The following SPAG16 variants were observed in gnomAD, a reference collection of about 807,000 sequenced individuals.
SPAG16 encodes sperm-associated antigen 16 protein.
SPAG16 carries 86 observed loss-of-function variants against 80.4 expected under a neutral mutation model. The observed-to-expected ratio is 1.07, with a 90% CI of 0.90 to 1.28. SPAG16 has a LOEUF of 1.28. Ranked by LOEUF, SPAG16 falls within the 50% of genes most tolerant of loss-of-function variation. SPAG16 has a pLI of 0.00. For synonymous variants in SPAG16, 294 were observed against 265.9 expected, an observed-to-expected ratio of 1.11 and a Z score of -1.03; for missense variants, 870 against 765.3, an observed-to-expected ratio of 1.14 and a Z score of -1.61.
chr2:214,369,483 C>A (rs577517596), intron 15 of SPAG16, among the ~76,000 whole-genome samples: 44 of 152,042 alleles, frequency 2.9e-4, no homozygotes, highest in Non-Finnish European at 6.0e-4. Context: ...ATTCTCCTTG[C>A]TTCTACCTCC....
chr2:213,338,580 C>T (rs922767330), intron 5 of SPAG16, among the ~76,000 whole-genome samples: 1 of 152,156 alleles, frequency 6.6e-6, no homozygotes, highest in African/African-American at 2.4e-5. Context: ...CATTGCAGCA[C>T]TATTTACGAT....
At chr2:214,089,923 C>G (rs1449580500) in intron 13 of SPAG16, among the ~76,000 whole-genome samples, 1 of 151,922 alleles carries the variant, frequency 6.6e-6, no homozygotes, top group Non-Finnish European at 1.5e-5. Context: ...TACTTCTATC[C>G]AATGTCAAGT....
chr2:214,319,823 T>G (rs929885969), intron 15 of SPAG16, among the ~76,000 whole-genome samples: 3 of 152,222 alleles, frequency 2.0e-5, no homozygotes, highest in Admixed American at 6.5e-5. Context: ...TTAGTTGCTG[T>G]CAATATGTCT....
At chr2:214,155,635 A>C (rs917113137) in intron 15 of SPAG16, among the ~76,000 whole-genome samples, 5 of 152,080 alleles carry the variant, frequency 3.3e-5, no homozygotes, top group Admixed American at 2.6e-4. Flanking sequence ...ACCATGCCTG[A>C]GGGTAGCCTA....
intron 15 of SPAG16, among the ~76,000 whole-genome samples, chr2:214,374,340 A>G (rs1699998275): frequency 6.6e-6 from 1 of 152,232 alleles, no homozygotes; most frequent in East Asian, 1.9e-4. Flanking sequence ...TCTATTTGCC[A>G]GAGGTTAAAA....
At chr2:214,108,895 T>C (rs1172883256) in intron 14 of SPAG16, among the ~76,000 whole-genome samples, 1 of 152,156 alleles carries the variant, frequency 6.6e-6, no homozygotes, top group Non-Finnish European at 1.5e-5. Flanking sequence ...TCCTTTGAGT[T>C]TTCTGTGGTT....
chr2:214,106,158 A>G (rs11889980), intron 13 of SPAG16, among the ~76,000 whole-genome samples: 25,009 of 152,134 alleles, frequency 0.16, 2,075 homozygotes, highest in African/African-American at 0.18. Flanking sequence ...ACAATTTGCT[A>G]ATTTATATCT....
intron 11 of SPAG16, among the ~76,000 whole-genome samples, chr2:213,886,946 A>T (rs901377899): frequency 6.6e-6 from 1 of 152,140 alleles, no homozygotes; most frequent in Admixed American, 6.6e-5. Context: ...AAGTTTAACA[A>T]TTCTGATTTT....
intron 10 of SPAG16, among the ~76,000 whole-genome samples, chr2:213,700,655 A>G (rs773337524): frequency 6.6e-6 from 1 of 152,180 alleles, no homozygotes; most frequent in Non-Finnish European, 1.5e-5. Context: ...ATTCTTTTAC[A>G]TTTTTAATGT....
intron 9 of SPAG16, among the ~76,000 whole-genome samples, chr2:213,448,219 T>G (rs537054896): frequency 6.6e-6 from 1 of 152,398 alleles, no homozygotes; most frequent in Non-Finnish European, 1.5e-5. Context: ...GCAATTGGAA[T>G]ACTTCTGATT....
chr2:213,645,451 T>A (rs781604252), intron 10 of SPAG16, among the ~76,000 whole-genome samples: 44 of 152,046 alleles, frequency 2.9e-4, no homozygotes, highest in Non-Finnish European at 1.0e-4. Flanking sequence ...GACTAAGGAA[T>A]CTTAGTTAGC....
At chr2:213,456,101 G>T (rs1022779743) in intron 9 of SPAG16, among the ~76,000 whole-genome samples, 3 of 152,288 alleles carry the variant, frequency 2.0e-5, no homozygotes, top group South Asian at 2.1e-4. Context: ...CAGACTTGGC[G>T]TGTGGTTACA....
intron 10 of SPAG16, among the ~76,000 whole-genome samples, chr2:213,732,953 A>G (rs1338014231): frequency 1.3e-5 from 2 of 152,206 alleles, no homozygotes; most frequent in Non-Finnish European, 2.9e-5. Flanking sequence ...GAATTGCCAC[A>G]CTGTCTTCCA....
At chr2:213,771,576 A>G (rs1156297739) in intron 10 of SPAG16, among the ~76,000 whole-genome samples, 1 of 152,032 alleles carries the variant, frequency 6.6e-6, no homozygotes, top group Non-Finnish European at 1.5e-5. Context: ...TAGGGTTTTT[A>G]TAGTTTTGGG....
chr2:213,494,278 C>A (rs1360122144), intron 10 of SPAG16, among the ~76,000 whole-genome samples: 4 of 152,176 alleles, frequency 2.6e-5, no homozygotes, highest in African/African-American at 9.7e-5. Context: ...GGTGTCTCCA[C>A]CATGATGTCT....
rs535968201 is a variant in SPAG16, at chr2:214,218,685, T to G, written c.1720+69419T>G. 1.2e-3 allele frequency among the ~76,000 whole-genome samples: 187 copies of G among 152,342 alleles called. 2 individuals are homozygous for G. The highest frequency in any genetic ancestry group is 3.9e-3 in the African/African-American group (162 of 41,582). ...ATTTATTATTGAATATTATAGATCC[T>G]TGAAATATACAGATATGACATTTAC... On this transcript the variant is annotated intron_variant, in intron 15 of 15. Transcript: ENST00000331683.
At chr2:214,332,949 A>G (rs1406044960) in intron 15 of SPAG16, among the ~76,000 whole-genome samples, 1 of 152,190 alleles carries the variant, frequency 6.6e-6, no homozygotes, top group East Asian at 1.9e-4. Flanking sequence ...ATTTGCCTCA[A>G]TTTTAACAAA....
At chr2:214,298,995 A>T (rs1315442004) in intron 15 of SPAG16, among the ~76,000 whole-genome samples, 3 of 152,130 alleles carry the variant, frequency 2.0e-5, no homozygotes, top group African/African-American at 7.2e-5. Context: ...TGAACAGTGA[A>T]CTATGAGGTA....
intron 15 of SPAG16, among the ~76,000 whole-genome samples, chr2:214,200,139 G>A (rs2057966250): frequency 6.6e-6 from 1 of 152,040 alleles, no homozygotes; most frequent in African/African-American, 2.4e-5. Context: ...CCAGTACTAT[G>A]TTAAATAGAA....
Sources: allele counts gnomAD v4.1 joint callset (sites outside exome capture counted in the v4.1 genomes callset), GRCh38; gene constraint gnomAD v4.1.1; transcripts MANE v1.5; gene names NCBI Gene and HGNC (gene_info 2026-07-23, HGNC 2026-07-21).